Variants in DCHS2 observed in about 807,000 individuals in gnomAD.
The protein encoded by DCHS2 is dachsous cadherin-related 2.
In DCHS2, 142 loss-of-function variants were observed where a neutral mutation model predicts 182.4. The ratio of observed to expected loss-of-function variants is 0.78; its 90% CI spans 0.68 to 0.89. DCHS2 has a LOEUF of 0.89. Among genes scored for constraint, DCHS2 ranks in the 40% least tolerant of loss-of-function variants. DCHS2 has a pLI of 0.00. For missense variants in DCHS2, 4,319 were observed against 4,198.6 expected, an observed-to-expected ratio of 1.03 and a Z score of -0.79; for synonymous variants, 1,740 against 1,663.3, an observed-to-expected ratio of 1.05 and a Z score of -1.12.
intron 1 of DCHS2, among the ~76,000 whole-genome samples, chr4:154,488,657 C>T (rs959590926): frequency 6.6e-6 from 1 of 152,054 alleles, no homozygotes; most frequent in African/African-American, 2.4e-5. Context: ...AATCCCAGCA[C>T]TTTGGGAAGT....
intron 14 of DCHS2, among the ~76,000 whole-genome samples, chr4:154,268,869 T>C (rs1482822860): frequency 6.6e-6 from 1 of 152,092 alleles, no homozygotes; most frequent in Non-Finnish European, 1.5e-5. Context: ...GTAGAAGAAA[T>C]AAGACCAGGT....
intron 13 of DCHS2, among the ~76,000 whole-genome samples, chr4:154,278,752 A>AAAACT (rs1346039357): frequency 6.6e-6 from 1 of 152,100 alleles, no homozygotes; most frequent in Non-Finnish European, 1.5e-5. Context: ...TGAAAGTAAG[A>AAAACT]AAACTGCCAA....
chr4:154,323,172 A>G, intron 7 of DCHS2: 1 of 1,546,112 alleles, frequency 6.5e-7, no homozygotes, highest in African/African-American at 1.4e-5. Context: ...AACGTGTAGC[A>G]TAATATGTTC....
At chr4:154,279,037 T>C (rs1396243544) in intron 13 of DCHS2, among the ~76,000 whole-genome samples, 1 of 152,146 alleles carries the variant, frequency 6.6e-6, no homozygotes, top group Non-Finnish European at 1.5e-5. Flanking sequence ...AGAATAAAAA[T>C]ATAACTACTA....
At chr4:154,243,412 C>T (rs1343622417) in intron 16 of DCHS2, among the ~76,000 whole-genome samples, 4 of 152,126 alleles carry the variant, frequency 2.6e-5, no homozygotes, top group Admixed American at 6.6e-5. Context: ...TGAGCTTGTC[C>T]ATCAAACAAA....
chr4:154,239,011 G>A (rs779216340), intron 19 of DCHS2, among the ~76,000 whole-genome samples, 159 bp downstream of exon 19: 2 of 151,962 alleles, frequency 1.3e-5, no homozygotes, highest in African/African-American at 2.4e-5. Context: ...ATTTGCTATC[G>A]CAGCACTTCA....
At chr4:154,383,618 C>G (rs1414413539) in intron 1 of DCHS2, among the ~76,000 whole-genome samples, 2 of 152,086 alleles carry the variant, frequency 1.3e-5, no homozygotes, top group African/African-American at 4.8e-5. Flanking sequence ...AGGCATGTTT[C>G]CATGGTTTTT....
chr4:154,482,570 AG>A (rs1735962380), intron 1 of DCHS2, among the ~76,000 whole-genome samples: 1 of 152,246 alleles, frequency 6.6e-6, no homozygotes, highest in African/African-American at 2.4e-5. Flanking sequence ...TGAGCGAAAA[AG>A]ACCCTCACAT....
intron 1 of DCHS2, among the ~76,000 whole-genome samples, chr4:154,401,389 G>A (rs963367823): frequency 6.6e-6 from 1 of 152,070 alleles, no homozygotes; most frequent in African/African-American, 2.4e-5. Context: ...AAAAATCTAG[G>A]AGCAGAATTG....
intron 10 of DCHS2, among the ~76,000 whole-genome samples, chr4:154,310,962 G>A (rs1206378682): frequency 6.6e-6 from 1 of 152,096 alleles, no homozygotes; most frequent in Non-Finnish European, 1.5e-5. Flanking sequence ...ATTAACTATG[G>A]CTGCTGTCTT....
At chr4:154,456,398 C>G (rs547005770) in intron 1 of DCHS2, among the ~76,000 whole-genome samples, 3 of 152,190 alleles carry the variant, frequency 2.0e-5, no homozygotes, top group Non-Finnish European at 4.4e-5. Context: ...TCCCTGTCCT[C>G]CAGGAATCTG....
chr4:154,282,777 T>C (rs758933253), intron 13 of DCHS2, among the ~76,000 whole-genome samples: 20 of 152,150 alleles, frequency 1.3e-4, no homozygotes, highest in Non-Finnish European at 2.9e-4. Flanking sequence ...AAAAGCAACC[T>C]AAATGTCCCT....
At chr4:154,383,323 G>T (rs905893789) in intron 1 of DCHS2, among the ~76,000 whole-genome samples, 26 of 152,062 alleles carry the variant, frequency 1.7e-4, no homozygotes, top group African/African-American at 6.3e-4. Context: ...ACTACTAGAA[G>T]GGGGAGGTTG....
intron 1 of DCHS2, among the ~76,000 whole-genome samples, chr4:154,453,132 A>T (rs1484942923): frequency 1.3e-5 from 2 of 152,094 alleles, no homozygotes; most frequent in Non-Finnish European, 2.9e-5. Flanking sequence ...GCATGCAGGC[A>T]AAAATGGAGA....
At chr4:154,400,584 C>A (rs1276676105) in intron 1 of DCHS2, among the ~76,000 whole-genome samples, 1 of 152,198 alleles carries the variant, frequency 6.6e-6, no homozygotes, top group Non-Finnish European at 1.5e-5. Context: ...GCAATAGGAA[C>A]CTACTCTGAA....
intron 13 of DCHS2, among the ~76,000 whole-genome samples, chr4:154,281,341 A>T (rs2111235340): frequency 6.6e-6 from 1 of 152,340 alleles, no homozygotes; most frequent in Admixed American, 6.5e-5. Flanking sequence ...GTTGCAGGAT[A>T]CAAAAATCAA....
At chr4:154,372,175 A>C (rs541775297) in intron 2 of DCHS2, among the ~76,000 whole-genome samples, 6 of 152,314 alleles carry the variant, frequency 3.9e-5, no homozygotes, top group African/African-American at 1.4e-4. Flanking sequence ...CAGGCAATTT[A>C]GTTAGAAAAC....
intron 2 of DCHS2, among the ~76,000 whole-genome samples, chr4:154,368,367 T>A (rs188398420): frequency 2.1e-3 from 319 of 152,158 alleles, no homozygotes; most frequent in African/African-American, 7.4e-3. Flanking sequence ...TCACTTAGGG[T>A]TGAGGTAAGA....
intron 16 of DCHS2, among the ~76,000 whole-genome samples, chr4:154,246,693 T>C (rs1358901357): frequency 2.6e-5 from 4 of 152,128 alleles, no homozygotes; most frequent in Non-Finnish European, 5.9e-5. Context: ...GAGTTGGATA[T>C]TATTTAAAAA....
Sources: allele counts gnomAD v4.1 joint callset (sites outside exome capture counted in the v4.1 genomes callset), GRCh38; gene constraint gnomAD v4.1.1; transcripts MANE v1.5; gene names NCBI Gene and HGNC (gene_info 2026-07-23, HGNC 2026-07-21).